CSMD3: variants seen among roughly 807,000 people sequenced by gnomAD.
CSMD3 encodes the protein CUB and sushi domain-containing protein 3.
A neutral mutation model predicts 435.2 loss-of-function variants in CSMD3; 177 were observed. That is an observed-to-expected ratio of 0.41 (90% CI 0.36 to 0.46). The LOEUF (loss-of-function observed/expected upper bound fraction) is 0.46. Ranked by LOEUF, CSMD3 falls within the 20% of genes least tolerant of loss-of-function variation. The pLI is 0.34. For synonymous variants in CSMD3, 1,656 were observed against 1,520.5 expected, an observed-to-expected ratio of 1.09 and a Z score of -2.07; for missense variants, 4,265 against 4,504.6, an observed-to-expected ratio of 0.95 and a Z score of 1.52.
At chr8:113,210,006 GT>G (rs2092814368) in intron 3 of CSMD3, among the ~76,000 whole-genome samples, 1 of 43,212 alleles carries the variant, frequency 2.3e-5, no homozygotes, top group African/African-American at 2.3e-4. Context: ...CCTAAAAGGT[GT>G]GTGTGTGTGT....
chr8:112,645,712 A>G (rs2074961670), intron 19 of CSMD3, among the ~76,000 whole-genome samples: 1 of 152,180 alleles, frequency 6.6e-6, no homozygotes, highest in South Asian at 2.1e-4. Flanking sequence ...AATATTATGA[A>G]CAAAAACGAG....
chr8:112,279,285 G>A (rs1818400667), intron 59 of CSMD3, among the ~76,000 whole-genome samples: 1 of 152,096 alleles, frequency 6.6e-6, no homozygotes, highest in African/African-American at 2.4e-5. Flanking sequence ...ACAGTTATAT[G>A]AGGAGATACC....
At chr8:112,242,411 C>T (rs749188998) in intron 65 of CSMD3, among the ~76,000 whole-genome samples, 9 of 152,024 alleles carry the variant, frequency 5.9e-5, no homozygotes, top group African/African-American at 9.7e-5. Flanking sequence ...GATGTGATTT[C>T]GGCAAATGTT....
chr8:112,894,424 T>C, intron 10 of CSMD3, among the ~76,000 whole-genome samples: 1 of 151,380 alleles, frequency 6.6e-6, no homozygotes, highest in South Asian at 2.1e-4. Context: ...AGTATAAAAA[T>C]AAAAGATAAT....
At chr8:113,021,898 G>A (rs2086696804) in intron 5 of CSMD3, among the ~76,000 whole-genome samples, 1 of 152,138 alleles carries the variant, frequency 6.6e-6, no homozygotes. Context: ...ATGCTTCAGT[G>A]TATGAGGCAA....
At chr8:112,645,924 T>C (rs1416691207) in intron 19 of CSMD3, among the ~76,000 whole-genome samples, 1 of 152,178 alleles carries the variant, frequency 6.6e-6, no homozygotes, top group Non-Finnish European at 1.5e-5. Context: ...AAATATTGCT[T>C]AGTAAGCATT....
chr8:112,849,058 C>A (rs546904460), intron 11 of CSMD3, among the ~76,000 whole-genome samples: 6 of 152,112 alleles, frequency 3.9e-5, no homozygotes, highest in Non-Finnish European at 7.4e-5. Context: ...TTTTTTAAAG[C>A]CATAATCAAT....
chr8:113,236,162 A>C (rs1340874767), intron 3 of CSMD3, among the ~76,000 whole-genome samples: 1 of 152,190 alleles, frequency 6.6e-6, no homozygotes, highest in African/African-American at 2.4e-5. Context: ...TACATATGTT[A>C]CATGTTAGAG....
intron 6 of CSMD3, among the ~76,000 whole-genome samples, chr8:113,016,128 T>A (rs180822148): frequency 3.3e-5 from 5 of 151,934 alleles, no homozygotes; most frequent in Admixed American, 2.6e-4. Context: ...GTAAGAGATT[T>A]CTATTATAGG....
intron 11 of CSMD3, among the ~76,000 whole-genome samples, chr8:112,837,776 T>G (rs2080070146): frequency 6.6e-6 from 1 of 151,756 alleles, no homozygotes; most frequent in African/African-American, 2.4e-5. Flanking sequence ...GAGCAGCTTT[T>G]CTCCATTATG....
chr8:113,066,129 G>GAAAAAAAAAA (rs532343282), intron 5 of CSMD3, among the ~76,000 whole-genome samples: 30 of 48,574 alleles, frequency 6.2e-4, no homozygotes, highest in Non-Finnish European at 8.0e-4. Flanking sequence ...CCAAGAAAAA[G>GAAAAAAAAAA]AAAAAAAAAA....
chr8:112,471,245 A>G (rs1818493175), intron 32 of CSMD3, among the ~76,000 whole-genome samples: 1 of 152,166 alleles, frequency 6.6e-6, no homozygotes, highest in African/African-American at 2.4e-5. Flanking sequence ...GAGGACTCAG[A>G]GAGCCATGAA....
chr8:112,692,971 A>G (rs1224109942), intron 13 of CSMD3, among the ~76,000 whole-genome samples: 1 of 147,900 alleles, frequency 6.8e-6, no homozygotes, highest in Non-Finnish European at 1.5e-5. Context: ...CTATCTATCT[A>G]TCGAGAGAAA....
intron 10 of CSMD3, among the ~76,000 whole-genome samples, chr8:112,863,360 G>A (rs1160510555): frequency 1.3e-5 from 2 of 151,374 alleles, no homozygotes; most frequent in Non-Finnish European, 3.0e-5. Flanking sequence ...TTTCATATGG[G>A]GCAAGGTAAA....
rs550300503 is a variant in CSMD3, at chr8:113,240,675, T to C, written c.514+37917A>G. Among the ~76,000 whole-genome samples the C allele has an allele frequency of 3.3e-5, 5 of 152,292 alleles. No homozygotes were observed. The South Asian group carries it at 8.3e-4, about 25-fold the overall frequency. On this transcript the variant is annotated intron_variant, in intron 3 of 70. Coordinates refer to ENST00000297405, the MANE Select transcript of CSMD3 (RefSeq NM_198123.2). ...GTTGTATTATTAAACCAAATTCCTA[T>C]ATTTGAATATCTGTATCAAATGTAA...
intron 59 of CSMD3, among the ~76,000 whole-genome samples, chr8:112,275,275 C>T (rs904124226): frequency 3.9e-5 from 6 of 152,118 alleles, no homozygotes; most frequent in East Asian, 1.9e-4. Context: ...AGGCTGGGCA[C>T]GGTGGCTCTC....
intron 3 of CSMD3, among the ~76,000 whole-genome samples, chr8:113,183,496 A>G (rs529655736): frequency 1.3e-5 from 2 of 152,106 alleles, no homozygotes; most frequent in South Asian, 4.2e-4. Flanking sequence ...ATAAGCTTGG[A>G]CGGAAATGCA....
intron 3 of CSMD3, among the ~76,000 whole-genome samples, chr8:113,229,892 A>C (rs2093066234): frequency 6.6e-6 from 1 of 151,532 alleles, no homozygotes; most frequent in African/African-American, 2.4e-5. Flanking sequence ...TATTTTACTT[A>C]TAATTACTCT....
At chr8:112,419,673 A>C (rs1812277834) in intron 32 of CSMD3, among the ~76,000 whole-genome samples, 1 of 152,184 alleles carries the variant, frequency 6.6e-6, no homozygotes, top group African/African-American at 2.4e-5. Flanking sequence ...CCATTTGCCT[A>C]CTGTCAAAAT....
Sources: allele counts gnomAD v4.1 joint callset (sites outside exome capture counted in the v4.1 genomes callset), GRCh38; gene constraint gnomAD v4.1.1; transcripts MANE v1.5; gene names NCBI Gene and HGNC (gene_info 2026-07-23, HGNC 2026-07-21).